The following DKK2 variants were observed in gnomAD, a reference collection of about 807,000 sequenced individuals.
DKK2 encodes dickkopf Wnt signaling pathway inhibitor 2, also known as dickkopf-related protein 2.
In DKK2, 11 loss-of-function variants were observed where a neutral mutation model predicts 28.1. The observed-to-expected ratio is 0.39, with a 90% confidence interval of 0.25 to 0.65. The LOEUF (loss-of-function observed/expected upper bound fraction) is 0.65. Ranked by LOEUF, DKK2 falls within the 30% of genes least tolerant of loss-of-function variation. The probability of loss-of-function intolerance (pLI) is 0.47; values close to 1 mark genes in which losing one functional copy is unlikely to be tolerated. For missense variants in DKK2, 326 were observed against 335.5 expected, an observed-to-expected ratio of 0.97 and a Z score of 0.22; for synonymous variants, 135 against 126.5, an observed-to-expected ratio of 1.07 and a Z score of -0.45.
intron 1 of DKK2, among the ~76,000 whole-genome samples, chr4:106,991,039 G>C (rs1723196584): frequency 6.6e-6 from 1 of 152,124 alleles, no homozygotes; most frequent in Non-Finnish European, 1.5e-5. Context: ...TGTGAGTATA[G>C]AGCTTGTGCA....
At chr4:107,000,656 G>A (rs748166734) in intron 1 of DKK2, among the ~76,000 whole-genome samples, 2 of 152,028 alleles carry the variant, frequency 1.3e-5, no homozygotes, top group Non-Finnish European at 2.9e-5. Flanking sequence ...TGGCACTTTT[G>A]TAATATAGCA....
intron 1 of DKK2, among the ~76,000 whole-genome samples, chr4:106,992,719 C>G (rs183414376): frequency 6.6e-6 from 1 of 152,120 alleles, no homozygotes; most frequent in Admixed American, 6.5e-5. Context: ...TCACAGCAAC[C>G]CTCTCGGGTA....
intron 1 of DKK2, among the ~76,000 whole-genome samples, chr4:106,992,766 A>C (rs1398535571): frequency 6.6e-6 from 1 of 152,164 alleles, no homozygotes; most frequent in Non-Finnish European, 1.5e-5. Flanking sequence ...TAGCAGAGGG[A>C]GATTTCTCTA....
At chr4:107,024,470 CA>C (rs1420439909) in intron 1 of DKK2, among the ~76,000 whole-genome samples, 3 of 151,872 alleles carry the variant, frequency 2.0e-5, no homozygotes, top group Non-Finnish European at 2.9e-5. Context: ...AAAAAGCAAA[CA>C]AAAAAACTTC....
chr4:106,983,375 G>GAAAGAAAGAAAGAAAGA (rs1560585861), intron 1 of DKK2, among the ~76,000 whole-genome samples: 3 of 115,132 alleles, frequency 2.6e-5, no homozygotes, highest in African/African-American at 1.1e-4. Flanking sequence ...AAAGAAGAAA[G>GAAAGAAAGAAAGAAAGA]AAAAGAAAGA....
At chr4:106,940,971 G>A (rs896264180) in intron 1 of DKK2, among the ~76,000 whole-genome samples, 4 of 151,990 alleles carry the variant, frequency 2.6e-5, no homozygotes, top group South Asian at 4.2e-4. Flanking sequence ...GGTGGGGTGA[G>A]GGGGGAGGGA....
At chr4:106,926,826 T>C (rs1442945366) in intron 1 of DKK2, among the ~76,000 whole-genome samples, 1 of 152,076 alleles carries the variant, frequency 6.6e-6, no homozygotes, top group Non-Finnish European at 1.5e-5. Context: ...TTTAGGAAAA[T>C]GAAGATTTCA....
chr4:106,928,334 T>TA (rs1724452504), intron 1 of DKK2, among the ~76,000 whole-genome samples: 2 of 152,098 alleles, frequency 1.3e-5, no homozygotes, highest in South Asian at 2.1e-4. Context: ...TAACTTGAAG[T>TA]AAAAATGACA....
At chr4:106,987,451 C>T (rs566878162) in intron 1 of DKK2, among the ~76,000 whole-genome samples, 4 of 152,270 alleles carry the variant, frequency 2.6e-5, no homozygotes, top group Admixed American at 2.0e-4. Context: ...TGTGTAACAC[C>T]ACCCTGATGT....
chr4:106,936,545 G>A (rs1201566114), intron 1 of DKK2, among the ~76,000 whole-genome samples: 1 of 152,204 alleles, frequency 6.6e-6, no homozygotes, highest in Non-Finnish European at 1.5e-5. Context: ...ACACTCTGCA[G>A]GATATTATCC....
At chr4:106,960,267 T>G (rs1488005458) in intron 1 of DKK2, among the ~76,000 whole-genome samples, 1 of 151,958 alleles carries the variant, frequency 6.6e-6, no homozygotes, top group African/African-American at 2.4e-5. Flanking sequence ...TAATGTCTTT[T>G]GCAGCAACTT....
chr4:106,932,866 G>A (rs1468568406), intron 1 of DKK2, among the ~76,000 whole-genome samples: 2 of 152,108 alleles, frequency 1.3e-5, no homozygotes, highest in East Asian at 1.9e-4. Flanking sequence ...CTTCAGAGAA[G>A]TAACATGGTA....
chr4:106,952,862 G>C (rs1047245574), intron 1 of DKK2, among the ~76,000 whole-genome samples: 16 of 152,236 alleles, frequency 1.1e-4, no homozygotes, highest in South Asian at 6.2e-4. Flanking sequence ...TGGTTAGCTG[G>C]TTAGCATGTC....
At chr4:106,950,400 C>T (rs1423371889) in intron 1 of DKK2, among the ~76,000 whole-genome samples, 1 of 152,120 alleles carries the variant, frequency 6.6e-6, no homozygotes, top group African/African-American at 2.4e-5. Flanking sequence ...ATCCACCCTG[C>T]CCCTCTATCC....
At position 106,924,650 on chromosome 4, in the gene DKK2, G is replaced by A; in HGVS notation, c.424C>T (p.Leu142=). Reference sequence around the variant, plus strand: ...CGATCTCTGTGCCGAGTACCATCCAGAGCCGGGATGTGAGGGGTTAAGATG... The same window carrying A: ...CGATCTCTGTGCCGAGTACCATCCAAAGCCGGGATGTGAGGGGTTAAGATG... ...ESILTPHIPA[L]DGTRHRDRNH... The change falls in exon 3 of 4, where the codon CTG becomes TTG. Residue 142 remains leucine (L), a synonymous_variant. Coordinates refer to ENST00000285311, the MANE Select transcript of DKK2 (RefSeq NM_014421.3). 6.2e-7 allele frequency: 1 copy of A among 1,613,852 alleles called. No homozygotes were observed. The highest frequency in any genetic ancestry group is 8.5e-7 in the Non-Finnish European group (1 of 1,179,838).
intron 1 of DKK2, among the ~76,000 whole-genome samples, chr4:106,938,421 A>G (rs1403908872): frequency 6.6e-6 from 1 of 152,242 alleles, no homozygotes; most frequent in Non-Finnish European, 1.5e-5. Context: ...TAAACCAGGA[A>G]GAAGTTGAAT....
At chr4:106,963,928 T>C (rs1250989183) in intron 1 of DKK2, among the ~76,000 whole-genome samples, 1 of 152,204 alleles carries the variant, frequency 6.6e-6, no homozygotes, top group Non-Finnish European at 1.5e-5. Flanking sequence ...CATTCATTTG[T>C]TGAAGAGACT....
At chr4:107,018,472 G>A in intron 1 of DKK2, among the ~76,000 whole-genome samples, 1 of 152,014 alleles carries the variant, frequency 6.6e-6, no homozygotes, top group East Asian at 1.9e-4. Flanking sequence ...TTAGGAAGAG[G>A]GGATTAAAGG....
At chr4:106,928,630 C>T (rs1724456909) in intron 1 of DKK2, among the ~76,000 whole-genome samples, 1 of 152,144 alleles carries the variant, frequency 6.6e-6, no homozygotes, top group East Asian at 1.9e-4. Context: ...TATTTGGGGG[C>T]ATGCCTTGCC....
Sources: gnomAD v4.1 joint callset for allele counts (sites outside exome capture counted in the v4.1 genomes callset) on GRCh38, gnomAD v4.1.1 for gene constraint, MANE v1.5 for transcripts, NCBI Gene and HGNC (gene_info 2026-07-23, HGNC 2026-07-21) for gene names.